The following XKR9 variants were observed in gnomAD, a reference collection of about 807,000 sequenced individuals.
XKR9 encodes the protein XK related 9.
XKR9 carries 32 observed loss-of-function variants against 32.0 expected under a neutral mutation model. That is an observed-to-expected ratio of 1.00 (90% confidence interval 0.76 to 1.34). XKR9 has a LOEUF of 1.34. Among genes scored for constraint, XKR9 ranks in the 40% most tolerant of loss-of-function variants. XKR9 has a pLI of 0.00. For missense variants in XKR9, 546 were observed against 429.7 expected (o/e 1.27, Z -2.39); for synonymous variants, 168 against 143.4 (o/e 1.17, Z -1.22).
intron 2 of XKR9, among the ~76,000 whole-genome samples, chr8:70,746,771 CT>C (rs905771465): frequency 9.0e-4 from 129 of 142,672 alleles, no homozygotes; most frequent in East Asian, 6.8e-3. Context: ...GAGGTGGGGC[CT>C]TTTTTTTTTC....
chr8:70,681,817 C>T (rs756362000), intron 3 of XKR9, among the ~76,000 whole-genome samples: 18 of 151,970 alleles, frequency 1.2e-4, no homozygotes, highest in South Asian at 2.1e-4. Context: ...GGTAGAGAAA[C>T]GAGACTCTAA....
the XKR9 span, among the ~76,000 whole-genome samples, chr8:70,835,456 T>A: frequency 6.6e-6 from 1 of 152,064 alleles, no homozygotes; most frequent in African/African-American, 2.4e-5. Context: ...GGCATTCAGA[T>A]CTTAAGATTT....
intron 3 of XKR9, among the ~76,000 whole-genome samples, chr8:70,705,803 G>A (rs1805698818): frequency 1.3e-5 from 2 of 151,994 alleles, no homozygotes; most frequent in Admixed American, 1.3e-4. Flanking sequence ...AGCTTATATG[G>A]GGAGCAAGAG....
chr8:70,930,369 T>C, the XKR9 span, among the ~76,000 whole-genome samples: 1 of 152,166 alleles, frequency 6.6e-6, no homozygotes, highest in Admixed American at 6.6e-5. Flanking sequence ...TGAGAAGACT[T>C]AGTGGCTACC....
the XKR9 span, among the ~76,000 whole-genome samples, chr8:70,886,311 T>G: frequency 2.6e-5 from 4 of 152,356 alleles, no homozygotes; most frequent in East Asian, 1.9e-4. Context: ...TTGGGTTGAT[T>G]CCAAGTCTTT....
chr8:70,732,594 TATC>T (rs2132241326), intron 4 of XKR9, among the ~76,000 whole-genome samples: 1 of 152,338 alleles, frequency 6.6e-6, no homozygotes, highest in Non-Finnish European at 1.5e-5. Context: ...AGAATCAATT[TATC>T]ATGATGGGAA....
At chr8:71,063,986 C>T in the XKR9 span, among the ~76,000 whole-genome samples, 1 of 152,146 alleles carries the variant, frequency 6.6e-6, no homozygotes, top group Non-Finnish European at 1.5e-5. Context: ...TTTTATGGGT[C>T]ATTCATACAC....
At chr8:70,833,138 G>C in the XKR9 span, among the ~76,000 whole-genome samples, 1 of 152,072 alleles carries the variant, frequency 6.6e-6, no homozygotes, top group Admixed American at 6.6e-5. Flanking sequence ...CAAGGGAGAG[G>C]GCTAGCTAAT....
At chr8:70,827,184 T>C in the XKR9 span, among the ~76,000 whole-genome samples, 1 of 152,286 alleles carries the variant, frequency 6.6e-6, no homozygotes, top group South Asian at 2.1e-4. Context: ...TATATTTATA[T>C]ATATAGTGTT....
intron 3 of XKR9, among the ~76,000 whole-genome samples, chr8:70,699,697 T>G (rs1007156429): frequency 1.3e-5 from 2 of 152,184 alleles, no homozygotes; most frequent in Non-Finnish European, 2.9e-5. Flanking sequence ...CTTTGTGGTG[T>G]TCTCTGTATT....
intron 2 of XKR9, among the ~76,000 whole-genome samples, chr8:70,761,272 T>C (rs1353695949): frequency 6.6e-6 from 1 of 152,196 alleles, no homozygotes; most frequent in Non-Finnish European, 1.5e-5. Flanking sequence ...TCTCTAGGTG[T>C]TTGAGGAATC....
chr8:70,695,770 T>C (rs1805248993), intron 3 of XKR9, among the ~76,000 whole-genome samples: 1 of 149,672 alleles, frequency 6.7e-6, no homozygotes, highest in Non-Finnish European at 1.5e-5. Context: ...TCCACAATGG[T>C]TGAACTAGTT....
At chr8:70,812,313 C>T in the XKR9 span, among the ~76,000 whole-genome samples, 172 of 152,118 alleles carry the variant, frequency 1.1e-3, 1 homozygote, top group African/African-American at 3.0e-3. Flanking sequence ...GAGCTATGTA[C>T]GACAAACCCA....
At chr8:70,690,500 G>GTTTTTT (rs71566233) in intron 3 of XKR9, among the ~76,000 whole-genome samples, 3 of 140,792 alleles carry the variant, frequency 2.1e-5, no homozygotes. Flanking sequence ...TGCCCAGCTA[G>GTTTTTT]TTTTTTTTTT....
chr8:70,949,606 G>T, the XKR9 span, among the ~76,000 whole-genome samples: 1 of 152,032 alleles, frequency 6.6e-6, no homozygotes, highest in South Asian at 2.1e-4. Context: ...GTGTGTGTGT[G>T]TTGGGTGGCG....
rs1308684797 is a variant in XKR9 at position 70,755,052 on chromosome 8, C to G, written n.353-34287C>G. Among the ~76,000 whole-genome samples the G allele has an allele frequency of 2.6e-5, 4 of 151,892 alleles. No homozygotes were observed. In the East Asian group the frequency reaches 5.8e-4, roughly 22 times the overall value. ...TAATATCCAGAATCTACAATGAACTCAAACAAATTTACAAGAAAAAAACAA... is the reference window on the plus strand; with the variant it reads ...TAATATCCAGAATCTACAATGAACTGAAACAAATTTACAAGAAAAAAACAA... On this transcript the variant is annotated intron_variant and non_coding_transcript_variant, in intron 2 of 3. Transcript: ENST00000520273.
chr8:71,035,635 C>A, the XKR9 span, among the ~76,000 whole-genome samples: 1 of 152,166 alleles, frequency 6.6e-6, no homozygotes, highest in Non-Finnish European at 1.5e-5. Context: ...GTGGGGTAGA[C>A]ACAAGTAAGG....
At chr8:70,733,742 C>T in intron 4 of XKR9, 54 bp from the exon 5 acceptor site, 2 of 1,394,792 alleles carry the variant, frequency 1.4e-6, no homozygotes, top group African/African-American at 1.5e-5. Context: ...ATATAGTAAT[C>T]TAATATTTCT....
Position 70,734,232 on chromosome 8 carries a change from C to T in XKR9, c.930C>T (p.Leu310=). 2 of 1,613,092 alleles carry T rather than the reference C, an allele frequency of 1.2e-6. No homozygotes were observed. Among genetic ancestry groups the T allele is most frequent in the East Asian group, 2.2e-5 (1 of 44,808 alleles). The change falls in exon 5 of 5, where the codon CTC becomes CTT. Residue 310 remains leucine (L), a synonymous_variant. Transcript: ENST00000408926. The part of the protein sequence containing the change: ...GILTVFWVCP[L]TIFNPDYFIP... ...TGACTGTATTCTGGGTTTGCCCCCT[C>T]ACTATTTTTAATCCAGACTATTTTA...
Sources: gnomAD v4.1 joint callset for allele counts (sites outside exome capture counted in the v4.1 genomes callset) on GRCh38, gnomAD v4.1.1 for gene constraint, MANE v1.5 for transcripts, NCBI Gene and HGNC (gene_info 2026-07-23, HGNC 2026-07-21) for gene names.